The following ATE1 variants were observed in gnomAD, a reference collection of about 807,000 sequenced individuals.
ATE1 encodes arginyl-tRNA--protein transferase 1.
ATE1 carries 36 observed loss-of-function variants against 70.5 expected under a neutral mutation model. The observed-to-expected ratio is 0.51, with a 90% CI of 0.39 to 0.67. The LOEUF (loss-of-function observed/expected upper bound fraction) is 0.67, where lower values mean the gene tolerates loss of function less well. Among genes scored for constraint, ATE1 ranks in the 30% least tolerant of loss-of-function variants. The pLI is 0.00. For missense variants in ATE1, 593 were observed against 629.5 expected (o/e 0.94, Z 0.62); for synonymous variants, 232 against 219.3 (o/e 1.06, Z -0.51).
intron 10 of ATE1, among the ~76,000 whole-genome samples, chr10:121,797,525 T>A (rs193119886): frequency 6.6e-6 from 1 of 151,956 alleles, no homozygotes; most frequent in East Asian, 1.9e-4. Flanking sequence ...ACCATTATTG[T>A]GCTGACTATC....
At chr10:121,927,607 C>T (rs1952150135) in intron 1 of ATE1, 2 of 951,910 alleles carry the variant, frequency 2.1e-6, no homozygotes, top group Non-Finnish European at 2.5e-6. Context: ...TCTCCCGACT[C>T]TGGGGAGACC....
intron 10 of ATE1, among the ~76,000 whole-genome samples, chr10:121,800,593 T>C (rs1428068620): frequency 6.6e-6 from 1 of 152,146 alleles, no homozygotes; most frequent in African/African-American, 2.4e-5. Flanking sequence ...AATTAAAATG[T>C]AAGTACACCA....
At position 121,864,532 on chromosome 10, in the gene ATE1, C is replaced by T. The variant is rs538186023; in HGVS notation, c.975+5474G>A. ...TGACCATTGGCTAGTGTTGAACGTG[C>T]AGACGTTCAGAAACAGAAATTACCA... On this transcript the variant is annotated intron_variant, in intron 8 of 11. Coordinates refer to ENST00000224652, the MANE Select transcript of ATE1 (RefSeq NM_001001976.3). Among the ~76,000 whole-genome samples, 107 of 152,342 alleles carry T rather than the reference C, an allele frequency of 7.0e-4. 4 individuals carry two copies. Among genetic ancestry groups the T allele is most frequent in the Middle Eastern group, 6.8e-3 (2 of 294 alleles).
intron 7 of ATE1, among the ~76,000 whole-genome samples, chr10:121,880,492 A>G (rs981508824): frequency 3.3e-5 from 5 of 151,864 alleles, no homozygotes; most frequent in Non-Finnish European, 7.4e-5. Context: ...TCCAGGAAAA[A>G]GTAATATGAA....
intron 8 of ATE1, among the ~76,000 whole-genome samples, chr10:121,855,345 T>C (rs994052022): frequency 2.0e-5 from 3 of 152,234 alleles, no homozygotes; most frequent in African/African-American, 7.2e-5. Flanking sequence ...TTATGGTCTC[T>C]GTTGGATGGA....
intron 11 of ATE1, among the ~76,000 whole-genome samples, chr10:121,773,366 G>A (rs182191245): frequency 7.9e-5 from 12 of 152,282 alleles, no homozygotes; most frequent in Admixed American, 7.2e-4. Context: ...CAAGTCGATA[G>A]GGCAAAATTT....
rs1359595813 is a variant in ATE1, at chr10:121,920,126, T to C, written c.233+2223A>G. Among the ~76,000 whole-genome samples the C allele has an allele frequency of 1.6e-4, 24 of 152,134 alleles. 1 individual carries two copies. The highest frequency in any genetic ancestry group is 1.5e-3 in the Admixed American group (23 of 15,270). On this transcript the variant is annotated intron_variant, in intron 3 of 11. Transcript: ENST00000224652. ...TGTCTTTTAATTTTATGAGTATATATACACATTGAAATTGGGGGCAAATAC... is the reference window on the plus strand; with the variant it reads ...TGTCTTTTAATTTTATGAGTATATACACACATTGAAATTGGGGGCAAATAC...
intron 11 of ATE1, among the ~76,000 whole-genome samples, chr10:121,763,730 C>T (rs1945154430): frequency 6.6e-6 from 1 of 152,054 alleles, no homozygotes; most frequent in Non-Finnish European, 1.5e-5. Context: ...AAGAACATAC[C>T]CAGCCGGGCG....
At chr10:121,827,553 A>T (rs563818056) in intron 10 of ATE1, among the ~76,000 whole-genome samples, 4 of 152,284 alleles carry the variant, frequency 2.6e-5, no homozygotes, top group African/African-American at 9.6e-5. Context: ...CACTAATTTC[A>T]ACCAGTGCCT....
chr10:121,860,071 T>A (rs1305374978), intron 8 of ATE1, among the ~76,000 whole-genome samples: 1 of 152,208 alleles, frequency 6.6e-6, no homozygotes, highest in African/African-American at 2.4e-5. Flanking sequence ...GAAAGTATAG[T>A]AGGTTGGGGA....
intron 7 of ATE1, among the ~76,000 whole-genome samples, chr10:121,884,131 A>G (rs926733088): frequency 8.3e-5 from 12 of 145,250 alleles, no homozygotes; most frequent in African/African-American, 2.8e-4. Flanking sequence ...AAAAAAAAAA[A>G]GCACTGCAAT....
chr10:121,894,394 A>C (rs1456956481), intron 7 of ATE1, among the ~76,000 whole-genome samples: 1 of 152,226 alleles, frequency 6.6e-6, no homozygotes, highest in Non-Finnish European at 1.5e-5. Context: ...ATTGAAGGTA[A>C]AAGGAGGAAA....
chr10:121,916,217 ACT>A (rs1168967929), intron 3 of ATE1, among the ~76,000 whole-genome samples: 1 of 152,088 alleles, frequency 6.6e-6, no homozygotes, highest in African/African-American at 2.4e-5. Flanking sequence ...ACAGAGCGAG[ACT>A]CTGCCTCGAA....
At chr10:121,819,954 T>C (rs1947727355) in intron 10 of ATE1, among the ~76,000 whole-genome samples, 1 of 151,922 alleles carries the variant, frequency 6.6e-6, no homozygotes, top group Non-Finnish European at 1.5e-5. Context: ...GAGACCAGCC[T>C]GGCCAACATG....
intron 11 of ATE1, among the ~76,000 whole-genome samples, chr10:121,784,034 A>G (rs1267330624): frequency 2.6e-5 from 4 of 152,242 alleles, no homozygotes; most frequent in Non-Finnish European, 5.9e-5. Flanking sequence ...CTGGGATCAC[A>G]GGTGTGAGCC....
At chr10:121,826,952 T>C (rs576191427) in intron 10 of ATE1, among the ~76,000 whole-genome samples, 1 of 152,326 alleles carries the variant, frequency 6.6e-6, no homozygotes, top group Admixed American at 6.5e-5. Context: ...TTTCATTCTT[T>C]TTGATGACTG....
At chr10:121,751,107 G>A (rs1486966044) in intron 11 of ATE1, among the ~76,000 whole-genome samples, 3 of 152,208 alleles carry the variant, frequency 2.0e-5, no homozygotes, top group African/African-American at 7.2e-5. Context: ...CATTTGGTGG[G>A]AGGCTCAGAA....
At chr10:121,875,138 CAAAAAA>C (rs1276048988) in intron 7 of ATE1, among the ~76,000 whole-genome samples, 2 of 79,402 alleles carry the variant, frequency 2.5e-5, no homozygotes, top group Non-Finnish European at 2.3e-5. Context: ...GACTCCGTCT[CAAAAAA>C]AAAAAAAAAA....
At chr10:121,890,488 G>GTACA (rs1213973040) in intron 7 of ATE1, among the ~76,000 whole-genome samples, 1 of 152,168 alleles carries the variant, frequency 6.6e-6, no homozygotes, top group Non-Finnish European at 1.5e-5. Flanking sequence ...GGTGAGGGAT[G>GTACA]TACAGGTCAT....
Sources: allele counts gnomAD v4.1 joint callset (sites outside exome capture counted in the v4.1 genomes callset), GRCh38; gene constraint gnomAD v4.1.1; transcripts MANE v1.5; gene names NCBI Gene and HGNC (gene_info 2026-07-23, HGNC 2026-07-21).